TENM2: variants seen among roughly 807,000 people sequenced by gnomAD.
TENM2 encodes teneurin-2.
A neutral mutation model predicts 245.2 loss-of-function variants in TENM2; 52 were observed. That is an observed-to-expected ratio of 0.21 (90% CI 0.17 to 0.27). The LOEUF (loss-of-function observed/expected upper bound fraction) is 0.27, where lower values mean the gene tolerates loss of function less well. Ranked by LOEUF, TENM2 falls within the 10% of genes least tolerant of loss-of-function variation. The pLI is 1.00. For synonymous variants in TENM2, 1,363 were observed against 1,438.9 expected (o/e 0.95, Z 1.19); for missense variants, 3,046 against 3,666.8 (o/e 0.83, Z 4.37).
intron 3 of TENM2, among the ~76,000 whole-genome samples, chr5:167,885,164 A>G (rs1561895998): frequency 6.6e-6 from 1 of 152,196 alleles, no homozygotes; most frequent in Non-Finnish European, 1.5e-5. Context: ...CTTATCAGAT[A>G]GGTGATTTGC....
At chr5:167,163,026 T>C in the TENM2 span, among the ~76,000 whole-genome samples, 114 of 152,208 alleles carry the variant, frequency 7.5e-4, 1 homozygote, top group African/African-American at 2.5e-3. Flanking sequence ...ATGCCCACTT[T>C]AGATTTGAAT....
intron 24 of TENM2, 92 bp downstream of exon 26, chr5:168,226,355 G>A: frequency 8.6e-7 from 1 of 1,166,866 alleles, no homozygotes. Flanking sequence ...AGCCTGGGAG[G>A]ACTTCCAGAG....
intron 2 of TENM2, among the ~76,000 whole-genome samples, chr5:167,722,837 T>C (rs4628015): frequency 0.19 from 29,570 of 152,094 alleles, 3,268 homozygotes; most frequent in East Asian, 0.41. Flanking sequence ...TTCTCAAATA[T>C]GTTTCTACTT....
At chr5:167,356,974 G>T (rs1422073057) in intron 1 of TENM2, among the ~76,000 whole-genome samples, 1 of 152,054 alleles carries the variant, frequency 6.6e-6, no homozygotes, top group Non-Finnish European at 1.5e-5. Context: ...AAGCTTTTCC[G>T]TGGGTGCCTG....
At chr5:168,161,224 CT>C (rs1466848624) in intron 12 of TENM2, among the ~76,000 whole-genome samples, 2 of 152,102 alleles carry the variant, frequency 1.3e-5, no homozygotes, top group African/African-American at 4.8e-5. Context: ...CATTACAAAG[CT>C]TTTTATCCTC....
Position 167,429,866 on chromosome 5 carries a change from C to T in TENM2, c.502+54393C>T, listed in dbSNP as rs1322045708. On this transcript the variant is annotated intron_variant, in intron 2 of 28. Transcript: ENST00000518659. ...AGGTGATCCACCCTCCTTGGCCTCC[C>T]AAAGTGCTGGGATTACAGGAGGAAA... Among the ~76,000 whole-genome samples, 5 of 152,206 alleles carry T rather than the reference C, an allele frequency of 3.3e-5. 1 individual carries two copies. The highest frequency in any genetic ancestry group is 1.3e-4 in the Admixed American group (2 of 15,294).
intron 2 of TENM2, among the ~76,000 whole-genome samples, chr5:167,433,937 T>A (rs1360251382): frequency 6.6e-6 from 1 of 152,160 alleles, no homozygotes; most frequent in African/African-American, 2.4e-5. Flanking sequence ...ACGGTATAGA[T>A]GTAACTACAA....
rs558602763 is a variant in TENM2, at chr5:168,174,879, T to G, written c.2569+12122T>G. Among the ~76,000 whole-genome samples the G allele has an allele frequency of 3.3e-5, 5 of 152,230 alleles. No individual in the cohort carries two copies. The South Asian group carries it at 8.3e-4, about 25-fold the overall frequency. ...GATCCATCCTCCTCCTTCAAGAGTG[T>G]TGGAATAAACGAAAAATGTGGAAGG... On this transcript the variant is annotated intron_variant, in intron 13 of 28. Coordinates refer to ENST00000518659, the Ensembl canonical transcript of TENM2.
intron 5 of TENM2, among the ~76,000 whole-genome samples, chr5:167,997,774 T>C (rs1347934741): frequency 6.6e-6 from 1 of 152,172 alleles, no homozygotes; most frequent in East Asian, 1.9e-4. Flanking sequence ...CAAAAACAGG[T>C]GGCAGCCTGG....
chr5:168,190,429 A>G (rs1451961145), exon 14 of TENM2: 2 of 1,613,878 alleles, frequency 1.2e-6, no homozygotes, highest in Non-Finnish European at 8.5e-7. Flanking sequence ...CCCACTGGAC[A>G]TCATTCAGCA....
chr5:167,183,515 C>G, the TENM2 span, among the ~76,000 whole-genome samples: 1 of 152,134 alleles, frequency 6.6e-6, no homozygotes, highest in East Asian at 1.9e-4. Context: ...ATGTGCCTAT[C>G]TACCCAGAAT....
chr5:168,121,932 T>A (rs1795497474), intron 10 of TENM2, among the ~76,000 whole-genome samples: 1 of 152,228 alleles, frequency 6.6e-6, no homozygotes, highest in Non-Finnish European at 1.5e-5. Context: ...TCTGAATGAA[T>A]TTGTTCATAA....
At chr5:167,264,106 A>T in the TENM2 span, among the ~76,000 whole-genome samples, 1 of 80,118 alleles carries the variant, frequency 1.2e-5, no homozygotes, top group East Asian at 8.5e-4. Flanking sequence ...ACTCTGTCTC[A>T]AAAAAAAAAA....
chr5:167,445,332 T>TAGGGAGAGAGAGAGAGAGAGAGAGAGAG lies in TENM2; in HGVS notation c.502+69860_502+69861insGGGAGAGAGAGAGAGAGAGAGAGAGAGA, dbSNP rs71591182. 1.6e-4 allele frequency among the ~76,000 whole-genome samples: 12 copies of TAGGGAGAGAGAGAGAGAGAGAGAGAGAG among 77,064 alleles called. 1 individual carries two copies. Among genetic ancestry groups the TAGGGAGAGAGAGAGAGAGAGAGAGAGAG allele is most frequent in the African/African-American group, 2.3e-4 (4 of 17,248 alleles). 50.6% of individuals were successfully genotyped at this position (77,064 alleles called of 152,430 possible). On this transcript the variant is annotated intron_variant, in intron 2 of 28. Coordinates refer to ENST00000518659, the Ensembl canonical transcript of TENM2. ...ATGATTATATATATATATATATATA[T>TAGGGAGAGAGAGAGAGAGAGAGAGAGAG]ATATAGAGAGAGAGAGAGAGAGAGA...
chr5:167,942,937 G>A (rs578087657), intron 3 of TENM2, among the ~76,000 whole-genome samples: 45 of 152,202 alleles, frequency 3.0e-4, no homozygotes, highest in African/African-American at 1.0e-3. Flanking sequence ...TACTTGTGTG[G>A]GTGCGTACGT....
At chr5:167,187,880 G>A in the TENM2 span, among the ~76,000 whole-genome samples, 34 of 152,092 alleles carry the variant, frequency 2.2e-4, no homozygotes, top group Middle Eastern at 3.4e-3. Context: ...ACATTCTGTC[G>A]TGACTAAAAC....
At chr5:167,165,749 A>T in the TENM2 span, among the ~76,000 whole-genome samples, 4 of 152,210 alleles carry the variant, frequency 2.6e-5, no homozygotes. Flanking sequence ...TTCACTGACC[A>T]CCATTGTCAG....
intron 2 of TENM2, among the ~76,000 whole-genome samples, chr5:167,432,768 C>G (rs1436714766): frequency 6.6e-6 from 1 of 151,956 alleles, no homozygotes; most frequent in Non-Finnish European, 1.5e-5. Context: ...CACCGCACAT[C>G]TGAGAATTAT....
chr5:167,369,373 C>T (rs953626744), intron 1 of TENM2, among the ~76,000 whole-genome samples: 1 of 152,130 alleles, frequency 6.6e-6, no homozygotes, highest in Non-Finnish European at 1.5e-5. Flanking sequence ...TCGTCGTGAC[C>T]ACACTATTTC....
Sources: gnomAD v4.1 joint callset for allele counts (sites outside exome capture counted in the v4.1 genomes callset) on GRCh38, gnomAD v4.1.1 for gene constraint, MANE v1.5 for transcripts, NCBI Gene and HGNC (gene_info 2026-07-23, HGNC 2026-07-21) for gene names.